HMGA1: variants seen among roughly 807,000 people sequenced by gnomAD.
HMGA1 encodes high mobility group protein HMG-I/HMG-Y.
Under a neutral mutation model 15.1 loss-of-function variants are expected in HMGA1, and 1 was observed. The observed-to-expected ratio is 0.07, with a 90% CI of 0.02 to 0.31. The LOEUF (loss-of-function observed/expected upper bound fraction) is 0.31. HMGA1 is among the 10% of genes least tolerant of loss of function. The pLI, the probability that HMGA1 is intolerant of heterozygous loss-of-function variation, is 1.00. For missense variants in HMGA1, 94 were observed against 141.4 expected (o/e 0.66, Z 1.70); for synonymous variants, 56 against 54.8 (o/e 1.02, Z -0.10).
Position 34,245,994 on chromosome 6 carries a change from G to A in HMGA1, c.*1110G>A, listed in dbSNP as rs1762717155. 2 of 275,108 alleles carry A rather than the reference G, an allele frequency of 7.3e-6. No individual in the cohort carries two copies. The highest frequency in any genetic ancestry group is 6.7e-5 in the South Asian group (1 of 15,028). 17.0% of individuals were successfully genotyped at this position (275,108 alleles called of 1,614,324 possible). On this transcript the variant is annotated 3_prime_UTR_variant, in exon 6 of 6. Transcript: ENST00000311487. ...CAAGATACTCTTTGTGGGGAAGAGG[G>A]GCTGGGGCATGGCAGGCTGGGTGAC... is the stretch of plus-strand genomic sequence containing the variant.
chr6:34,240,393 C>T (rs139744354), intron 2 of HMGA1, among the ~76,000 whole-genome samples: 61 of 152,248 alleles, frequency 4.0e-4, no homozygotes, highest in African/African-American at 1.3e-3. Context: ...ATCTCACCTC[C>T]CCACACCTTT....
At chr6:34,238,064 A>AT (rs1018755830) in intron 2 of HMGA1, among the ~76,000 whole-genome samples, 19 of 151,852 alleles carry the variant, frequency 1.3e-4, no homozygotes, top group African/African-American at 4.3e-4. Flanking sequence ...CTGGGGCTTT[A>AT]TTTTGCGGGG....
chr6:34,239,339 C>T (rs1762108086), intron 2 of HMGA1, among the ~76,000 whole-genome samples: 1 of 151,562 alleles, frequency 6.6e-6, no homozygotes, highest in Non-Finnish European at 1.5e-5. Flanking sequence ...GAACTCCTGA[C>T]CTCAAGCAGT....
chr6:34,237,863 C>A (rs1284366104), intron 2 of HMGA1, among the ~76,000 whole-genome samples: 1 of 151,976 alleles, frequency 6.6e-6, no homozygotes. Context: ...TCTCTCGCGC[C>A]CCCTCCGCAG....
rs1313079619 is a variant in HMGA1 at position 34,237,249 on chromosome 6, C to G, written c.-113C>G. The G allele has an allele frequency of 6.7e-6, 1 of 148,194 alleles. No individual in the cohort carries two copies. The highest frequency in any genetic ancestry group is 1.5e-5 in the Non-Finnish European group (1 of 66,824). 9.2% of individuals were successfully genotyped at this position (148,194 alleles called of 1,614,324 possible). ...GCGGCCGCGGCGGAGCCAGGCCGGT[C>G]CTCAGCGCCCAGCACCGCCGCTCCC... On this transcript the variant is annotated 5_prime_UTR_variant, in exon 2 of 6. Coordinates refer to ENST00000311487, the MANE Select transcript of HMGA1 (RefSeq NM_145899.3).
In HMGA1 at chr6:34,245,207, C is replaced by T. The variant is rs1279446561; in HGVS notation, c.*323C>T. On this transcript the variant is annotated 3_prime_UTR_variant, in exon 6 of 6. Transcript: ENST00000311487. ...GCACCCTGCACCTGCTGCGTCCCCA[C>T]TCCCTTGGTGGTGGGGACATTGCTC... The T allele has an allele frequency of 1.4e-6, 2 of 1,408,218 alleles. No homozygotes were observed. Among genetic ancestry groups the T allele is most frequent in the Non-Finnish European group, 1.9e-6 (2 of 1,064,844 alleles). The allele number at this position is 1,408,218 out of a possible 1,614,324, so 87.2% of individuals were successfully genotyped here.
chr6:34,239,395 C>T (rs796529564), intron 2 of HMGA1, among the ~76,000 whole-genome samples: 1 of 152,004 alleles, frequency 6.6e-6, no homozygotes, highest in African/African-American at 2.4e-5. Context: ...AGGCATGAGT[C>T]ACCTCACCTG....
chr6:34,242,922 C>A, intron 4 of HMGA1, 127 bp downstream of exon 4: 1 of 732,530 alleles, frequency 1.4e-6, no homozygotes, highest in Non-Finnish European at 2.5e-6. Flanking sequence ...ACCCCCTTCC[C>A]TGGTACAGGG....
Position 34,245,098 on chromosome 6 carries a change from C to A in HMGA1, c.*214C>A. The A allele has an allele frequency of 6.6e-7, 1 of 1,516,918 alleles. No individual in the cohort carries two copies. Among genetic ancestry groups the A allele is most frequent in the South Asian group, 1.2e-5 (1 of 82,898 alleles). 94.0% of individuals were successfully genotyped at this position (1,516,918 alleles called of 1,614,324 possible). ...CATGGGCTGAGTGGGGAGCAGTTTT[C>A]CCCTGGCCTCAGTTCCCAGCTCCCC... On this transcript the variant is annotated 3_prime_UTR_variant, in exon 6 of 6. Transcript: ENST00000311487.
At chr6:34,239,982 C>T (rs1399588796) in intron 2 of HMGA1, among the ~76,000 whole-genome samples, 7 of 152,140 alleles carry the variant, frequency 4.6e-5, no homozygotes, top group Non-Finnish European at 7.4e-5. Context: ...CCATCTGACT[C>T]CAGTTGGGCA....
In HMGA1 at chr6:34,240,564, C is replaced by T. The variant is rs182329416; in HGVS notation, c.-44-173C>T. On this transcript the variant is annotated intron_variant, in intron 2 of 5. Transcript: ENST00000311487. Reference sequence around the variant, plus strand: ...CTGATTAGGGCCAACGGCCCTTCCCCGCCCTTGGCAGCATCTGGGGGTGGG... The same window carrying T: ...CTGATTAGGGCCAACGGCCCTTCCCTGCCCTTGGCAGCATCTGGGGGTGGG... 5.5e-4 allele frequency: 325 copies of T among 588,962 alleles called. 1 individual carries two copies. In the East Asian group the frequency reaches 6.6e-3, roughly 12 times the overall value. 36.5% of individuals were successfully genotyped at this position (588,962 alleles called of 1,614,324 possible). A position where few individuals can be genotyped will look rare whatever the true frequency, so the allele number is the denominator to read the frequency against.
chr6:34,245,450 C>T lies in HMGA1; in HGVS notation c.*566C>T, dbSNP rs542666872. ...CCCAGCCAAACTGTCTTTGTCACCA[C>T]GTGGGGCTCACTTTTCATCCTTCCC... On this transcript the variant is annotated 3_prime_UTR_variant, in exon 6 of 6. Coordinates refer to ENST00000311487, the MANE Select transcript of HMGA1 (RefSeq NM_145899.3). 14 of 1,374,020 alleles carry T rather than the reference C, an allele frequency of 1.0e-5. No individual in the cohort carries two copies. In the Admixed American group the frequency reaches 2.0e-4, roughly 19 times the overall value. 85.1% of individuals were successfully genotyped at this position (1,374,020 alleles called of 1,614,324 possible).
At chr6:34,240,532 TAAG>T (rs991740174) in intron 2 of HMGA1, 19 of 511,772 alleles carry the variant, frequency 3.7e-5, no homozygotes, top group African/African-American at 1.7e-4. Context: ...AGGAGATAGA[TAAG>T]AAGCTGATTA....
chr6:34,240,327 TAAAGAG>T (rs1332170579), intron 2 of HMGA1, among the ~76,000 whole-genome samples: 1 of 151,760 alleles, frequency 6.6e-6, no homozygotes, highest in African/African-American at 2.4e-5. Context: ...GATTTTCTCT[TAAAGAG>T]AAAGGGCAGC....
intron 4 of HMGA1, among the ~76,000 whole-genome samples, chr6:34,243,262 G>C (rs1049358531): frequency 6.6e-6 from 1 of 151,966 alleles, no homozygotes; most frequent in Non-Finnish European, 1.5e-5. Context: ...AGTCATGGGC[G>C]GAGGTGGGAG....
At position 34,245,897 on chromosome 6, in the gene HMGA1, C is replaced by G; in HGVS notation, c.*1013C>G. 3.2e-6 allele frequency: 1 copy of G among 314,554 alleles called. No individual in the cohort carries two copies. The highest frequency in any genetic ancestry group is 5.8e-5 in the East Asian group (1 of 17,130). 19.5% of individuals were successfully genotyped at this position (314,554 alleles called of 1,614,324 possible). ...GTTCAATGTTCCATTCTTCGACATC[C>G]GTCATTGCTGCTGCTACCAGCGCCA... On this transcript the variant is annotated 3_prime_UTR_variant, in exon 6 of 6. Coordinates refer to ENST00000311487, the MANE Select transcript of HMGA1 (RefSeq NM_145899.3).
chr6:34,245,299 G>A lies in HMGA1; in HGVS notation c.*415G>A, dbSNP rs567797839. On this transcript the variant is annotated 3_prime_UTR_variant, in exon 6 of 6. Transcript: ENST00000311487. The stretch of plus-strand genomic sequence containing the variant: ...TGTTCCCTCTGGCTTCCCATAGTGG[G>A]GCCTGGGAGGGTTCCCCTGGCCTTA... 4 of 1,370,846 alleles carry A rather than the reference G, an allele frequency of 2.9e-6. No homozygotes were observed. Among genetic ancestry groups the A allele is most frequent in the Admixed American group, 2.2e-5 (1 of 45,936 alleles). The allele number at this position is 1,370,846 out of a possible 1,614,324, so 84.9% of individuals were successfully genotyped here.
chr6:34,239,703 TG>T (rs1321430216), intron 2 of HMGA1, among the ~76,000 whole-genome samples: 7 of 151,814 alleles, frequency 4.6e-5, no homozygotes, highest in Non-Finnish European at 8.8e-5. Flanking sequence ...AGGATGAAGA[TG>T]TGGAGGACTG....
At chr6:34,244,087 C>T (rs1762520434) in intron 5 of HMGA1, among the ~76,000 whole-genome samples, 1 of 151,870 alleles carries the variant, frequency 6.6e-6, no homozygotes, top group South Asian at 2.1e-4. Context: ...GTCACCCCAG[C>T]CTTCCAGCTC....
Sources: allele counts gnomAD v4.1 joint callset (sites outside exome capture counted in the v4.1 genomes callset), GRCh38; gene constraint gnomAD v4.1.1; transcripts MANE v1.5; gene names NCBI Gene and HGNC (gene_info 2026-07-23, HGNC 2026-07-21).